Variants in GSAP observed in about 807,000 individuals in gnomAD.
The protein encoded by GSAP is gamma-secretase-activating protein.
In GSAP, 118 loss-of-function variants were observed where a neutral mutation model predicts 131.7. That is an observed-to-expected ratio of 0.90 (90% CI 0.77 to 1.04). The LOEUF is 1.04. GSAP is among the 50% of genes least tolerant of loss of function. The pLI, the probability that GSAP is intolerant of heterozygous loss-of-function variation, is 0.00. For missense variants in GSAP, 1,019 were observed against 1,013.2 expected (o/e 1.01, Z -0.08); for synonymous variants, 381 against 363.4 (o/e 1.05, Z -0.55).
chr7:77,332,895 C>T (rs187627555), intron 19 of GSAP, among the ~76,000 whole-genome samples: 128 of 152,172 alleles, frequency 8.4e-4, no homozygotes, highest in Admixed American at 8.2e-3. Flanking sequence ...TTAAGAAATG[C>T]GGCCAGGTCA....
chr7:77,355,172 T>C (rs764333470), intron 16 of GSAP, 41 bp downstream of exon 16: 2 of 1,229,964 alleles, frequency 1.6e-6, no homozygotes, highest in African/African-American at 1.5e-5. Flanking sequence ...ATGTTCAGTG[T>C]CGTCTATCTG....
intron 5 of GSAP, among the ~76,000 whole-genome samples, chr7:77,392,949 A>G (rs1001084225): frequency 6.6e-6 from 1 of 151,928 alleles, no homozygotes; most frequent in Non-Finnish European, 1.5e-5. Flanking sequence ...GGCAAATGCA[A>G]CTCCACAGGG....
At position 77,314,662 on chromosome 7, in the gene GSAP, A is replaced by G. The variant is rs1794777423; in HGVS notation, c.2090-173T>C. 9.9e-6 allele frequency: 6 copies of G among 604,392 alleles called. No individual in the cohort carries two copies. In the Middle Eastern group the frequency reaches 1.4e-3, roughly 145 times the overall value. 37.4% of individuals were successfully genotyped at this position (604,392 alleles called of 1,614,324 possible). On this transcript the variant is annotated intron_variant, in intron 26 of 30. Transcript: ENST00000257626. ...CCTTCTCTGTATTATTCGTAACTAA[A>G]TATCACGCTGGGTCTATAGTAAGTT...
At chr7:77,404,805 A>G (rs1801958669) in intron 2 of GSAP, among the ~76,000 whole-genome samples, 190 bp from the exon 3 acceptor site, 1 of 152,242 alleles carries the variant, frequency 6.6e-6, no homozygotes, top group Non-Finnish European at 1.5e-5. Flanking sequence ...AAATGGATCA[A>G]CAGTGTAGAG....
At chr7:77,379,928 G>T in intron 8 of GSAP, 1 of 946,906 alleles carries the variant, frequency 1.1e-6, no homozygotes, top group Non-Finnish European at 1.3e-6. Flanking sequence ...TCCATTTTCT[G>T]TTTCAATTTG....
intron 13 of GSAP, among the ~76,000 whole-genome samples, chr7:77,362,047 G>A (rs921956867): frequency 6.6e-6 from 1 of 152,042 alleles, no homozygotes; most frequent in Non-Finnish European, 1.5e-5. Context: ...CACAAGCCTA[G>A]AAAAATATAT....
At position 77,317,527 on chromosome 7, in the gene GSAP, T is replaced by TA. The variant is rs577558266; in HGVS notation, c.2090-3039dup. Among the ~76,000 whole-genome samples, 466 of 152,124 alleles carry TA rather than the reference T, an allele frequency of 3.1e-3. 3 individuals carry two copies. Among genetic ancestry groups the TA allele is most frequent in the South Asian group, 7.7e-3 (37 of 4,818 alleles). ...TGTACCCTAGAACTTAAAGTATAAT[T>TA]AAAAAAATGAGAAACACCTTTTCCT... On this transcript the variant is annotated intron_variant, in intron 26 of 30. Transcript: ENST00000257626.
intron 5 of GSAP, among the ~76,000 whole-genome samples, chr7:77,391,113 G>A (rs576993983): frequency 8.3e-6 from 1 of 120,170 alleles, no homozygotes; most frequent in South Asian, 2.9e-4. Flanking sequence ...GGCAACAGAT[G>A]AGGCTCCGTC....
Position 77,326,240 on chromosome 7 carries a change from T to C in GSAP, c.1799A>G (p.Asp600Gly). 2 of 1,613,222 alleles carry C rather than the reference T, an allele frequency of 1.2e-6. No individual in the cohort carries two copies. The highest frequency in any genetic ancestry group is 1.3e-5 in the African/African-American group (1 of 74,958). Residue 600 changes from aspartate (D) to glycine (G), a missense_variant, in exon 23 of 31, where the codon GAC becomes GGC. Physicochemically the swap from Asp to Gly is moderately conservative, Grantham distance 94. Transcript: ENST00000257626. ...PRLTPLLQEE[D>G]SHQRLLMGLM... Reference sequence around the variant, plus strand: ...CCCCATGAGCAGCCGCTGGTGGCTGTCTTCCTCCTGCAGGAGGGGTGTTAA... The same window carrying C: ...CCCCATGAGCAGCCGCTGGTGGCTGCCTTCCTCCTGCAGGAGGGGTGTTAA...
At position 77,414,844 on chromosome 7, in the gene GSAP, C is replaced by CTTTTTTTTTTTTTT. The variant is rs57095326; in HGVS notation, c.109+1355_109+1368dup. On this transcript the variant is annotated intron_variant, in intron 1 of 30. Transcript: ENST00000257626. ...AAAAACTTTTCAGACATGTGGGCGA[C>CTTTTTTTTTTTTTT]TTTTTTTTTTTTTTTTTTTTTTTTT... 1.3e-3 allele frequency among the ~76,000 whole-genome samples: 78 copies of CTTTTTTTTTTTTTT among 59,874 alleles called. 16 individuals are homozygous for CTTTTTTTTTTTTTT. Among genetic ancestry groups the CTTTTTTTTTTTTTT allele is most frequent in the East Asian group, 2.8e-3 (4 of 1,454 alleles). 39.3% of individuals were successfully genotyped at this position (59,874 alleles called of 152,430 possible). A position where few individuals can be genotyped will look rare whatever the true frequency, so the allele number is the denominator to read the frequency against.
intron 20 of GSAP, 121 bp downstream of exon 20, chr7:77,330,118 A>G: frequency 8.6e-7 from 1 of 1,164,602 alleles, no homozygotes; most frequent in Non-Finnish European, 1.2e-6. Flanking sequence ...GACAATGATC[A>G]AGTCCCTGGC....
At chr7:77,361,977 T>C (rs1209397697) in intron 13 of GSAP, among the ~76,000 whole-genome samples, 3 of 152,154 alleles carry the variant, frequency 2.0e-5, no homozygotes, top group Admixed American at 6.6e-5. Flanking sequence ...ACTTTCCAAA[T>C]AGCGATAACT....
chr7:77,312,342 G>A lies in GSAP; in HGVS notation c.2272-140C>T, dbSNP rs183068164. Reference sequence around the variant, plus strand: ...AGGCCCTTGATGATTAAGGACCCTTGGAGAAATGCCATGTTCCTATGAAGT... The same window carrying A: ...AGGCCCTTGATGATTAAGGACCCTTAGAGAAATGCCATGTTCCTATGAAGT... On this transcript the variant is annotated intron_variant, in intron 28 of 30. Transcript: ENST00000257626. 377 of 543,348 alleles carry A rather than the reference G, an allele frequency of 6.9e-4. 1 individual carries two copies. Among genetic ancestry groups the A allele is most frequent in the Middle Eastern group, 5.7e-3 (12 of 2,120 alleles). 33.7% of individuals were successfully genotyped at this position (543,348 alleles called of 1,614,324 possible). A position where few individuals can be genotyped will look rare whatever the true frequency, so the allele number is the denominator to read the frequency against.
intron 12 of GSAP, among the ~76,000 whole-genome samples, chr7:77,364,656 A>G (rs934088271): frequency 6.6e-6 from 1 of 152,188 alleles, no homozygotes; most frequent in Non-Finnish European, 1.5e-5. Context: ...CATGTACCCT[A>G]AAACTTAAAG....
chr7:77,366,152 T>TATTTTGTC (rs1213753913), intron 12 of GSAP, among the ~76,000 whole-genome samples: 1 of 152,066 alleles, frequency 6.6e-6, no homozygotes, highest in Non-Finnish European at 1.5e-5. Context: ...GTCAGATGCA[T>TATTTTGTC]AGTTTGCAAA....
intron 5 of GSAP, among the ~76,000 whole-genome samples, chr7:77,391,977 C>A (rs1040113626): frequency 1.3e-5 from 2 of 152,180 alleles, no homozygotes; most frequent in Non-Finnish European, 2.9e-5. Context: ...GTAATCCCAG[C>A]ACTTTGGGAA....
chr7:77,373,678 A>G (rs1796447420), intron 12 of GSAP, among the ~76,000 whole-genome samples: 1 of 152,240 alleles, frequency 6.6e-6, no homozygotes, highest in African/African-American at 2.4e-5. Flanking sequence ...AGGCTGCAGC[A>G]TGGCTCTTAA....
chr7:77,342,356 C>CA (rs1791099054), intron 19 of GSAP, among the ~76,000 whole-genome samples: 1 of 152,158 alleles, frequency 6.6e-6, no homozygotes. Flanking sequence ...GGCCAGGCTT[C>CA]AAAACCCCTT....
intron 12 of GSAP, among the ~76,000 whole-genome samples, chr7:77,367,349 T>C (rs112646155): frequency 1.6e-4 from 25 of 152,354 alleles, no homozygotes; most frequent in African/African-American, 5.8e-4. Flanking sequence ...TATGGGTTTG[T>C]CATAGATGGC....
Sources: gnomAD v4.1 joint callset for allele counts (sites outside exome capture counted in the v4.1 genomes callset) on GRCh38, gnomAD v4.1.1 for gene constraint, MANE v1.5 for transcripts, NCBI Gene and HGNC (gene_info 2026-07-23, HGNC 2026-07-21) for gene names.